The following CDK5 variants were observed in gnomAD, a reference collection of about 807,000 sequenced individuals.
The protein encoded by CDK5 is cyclin-dependent kinase 5.
CDK5 carries 18 observed loss-of-function variants against 44.6 expected under a neutral mutation model. That is an observed-to-expected ratio of 0.40 (90% CI 0.28 to 0.60). The LOEUF (loss-of-function observed/expected upper bound fraction) is 0.60. Ranked by LOEUF, CDK5 falls within the 20% of genes least tolerant of loss-of-function variation. The pLI is 0.38. For synonymous variants in CDK5, 143 were observed against 152.8 expected (o/e 0.94, Z 0.47); for missense variants, 198 against 368.1 (o/e 0.54, Z 3.78).
chr7:151,055,713 C>T (rs768036739), intron 6 of CDK5, 40 bp downstream of exon 6: 1 of 1,557,702 alleles, frequency 6.4e-7, no homozygotes, highest in Non-Finnish European at 8.8e-7. Flanking sequence ...CGTGCCCTGG[C>T]CCCAGCCTCT....
At position 151,056,691 on chromosome 7, in the gene CDK5, C is replaced by T. The variant is rs1723620042; in HGVS notation, c.255+45G>A. 2.5e-6 allele frequency: 4 copies of T among 1,611,356 alleles called. No homozygotes were observed. Among genetic ancestry groups the T allele is most frequent in the African/African-American group, 1.3e-5 (1 of 74,848 alleles). On this transcript the variant is annotated intron_variant, in intron 4 of 11. Transcript: ENST00000485972. The surrounding 1 kb of genome is among the most constrained non-coding windows in gnomAD (Gnocchi z 4.7). The stretch of plus-strand genomic sequence containing the variant: ...ACAGAGTTTAACCTCAATCTGGGCC[C>T]CTATACCTTCCCAAGGCTACTGTCC...
chr7:151,057,156 G>C lies in CDK5; in HGVS notation c.42C>G (p.Thr14=). 6.2e-7 allele frequency: 1 copy of C among 1,613,690 alleles called. No individual in the cohort carries two copies. Among genetic ancestry groups the C allele is most frequent in the East Asian group, 2.2e-5 (1 of 44,886 alleles). The change falls in exon 2 of 12, where the codon ACC becomes ACG. Residue 14 remains threonine, a synonymous_variant. Transcript: ENST00000485972. The surrounding 1 kb of genome is among the most constrained non-coding windows in gnomAD (Gnocchi z 5.2). ...TTTTGGCCTTGAACACAGTTCCGTA[G>C]GTGCCTAGGGGAAGGAGGTCAGGGG... is the stretch of plus-strand genomic sequence containing the variant. ...YEKLEKIGEG[T]YGTVFKAKNR...
Position 151,054,329 on chromosome 7 carries a change from G to A in CDK5, c.712-37C>T. The A allele has an allele frequency of 3.7e-6, 6 of 1,612,420 alleles. No homozygotes were observed. The highest frequency in any genetic ancestry group is 5.1e-6 in the Non-Finnish European group (6 of 1,178,588). ...CAGGGAGGGTCAGACTAGAGGTAGGGGGAGGGGGATGGAGGCGCTAGGAAT... is the reference window on the plus strand; with the variant it reads ...CAGGGAGGGTCAGACTAGAGGTAGGAGGAGGGGGATGGAGGCGCTAGGAAT... On this transcript the variant is annotated intron_variant, in intron 10 of 11. Coordinates refer to ENST00000485972, the MANE Select transcript of CDK5 (RefSeq NM_004935.4). The surrounding 1 kb of genome is among the most constrained non-coding windows in gnomAD (Gnocchi z 5.7).
At position 151,056,560 on chromosome 7, in the gene CDK5, C is replaced by G. The variant is rs1294631508; in HGVS notation, c.312+20G>C. The G allele has an allele frequency of 1.2e-6, 2 of 1,607,718 alleles. No individual in the cohort carries two copies. Among genetic ancestry groups the G allele is most frequent in the Non-Finnish European group, 1.7e-6 (2 of 1,176,512 alleles). On this transcript the variant is annotated intron_variant, in intron 5 of 11. Transcript: ENST00000485972. This position sits in a 1 kb window ranked among gnomAD's most constrained non-coding sequence, Gnocchi z 4.7. ...ACTCCGACCCCAGCCTGAGGGGTCC[C>G]CCAACACCACTCTCCTCACCTTTAC...
rs1023234916 is a variant in CDK5, at chr7:151,056,168, C to T, written c.313-320G>A. 1.2e-5 allele frequency: 6 copies of T among 514,448 alleles called. No individual in the cohort carries two copies. Among genetic ancestry groups the T allele is most frequent in the African/African-American group, 9.5e-5 (5 of 52,620 alleles). 31.9% of individuals were successfully genotyped at this position (514,448 alleles called of 1,614,324 possible). On this transcript the variant is annotated intron_variant, in intron 5 of 11. Transcript: ENST00000485972. The surrounding 1 kb of genome is among the most constrained non-coding windows in gnomAD (Gnocchi z 4.7). Reference sequence around the variant, plus strand: ...CCCTTCCTGGCCGCATCTGAGTATGCACGCCGTGAACATCAACATAAATAT... The same window carrying T: ...CCCTTCCTGGCCGCATCTGAGTATGTACGCCGTGAACATCAACATAAATAT...
chr7:151,055,668 C>T (rs1047388762), intron 6 of CDK5, 62 bp from the exon 7 acceptor site: 2 of 1,547,678 alleles, frequency 1.3e-6, no homozygotes, highest in African/African-American at 1.4e-5. Context: ...ACAGCACCAA[C>T]TCCATCCTCC....
chr7:151,056,572 C>T lies in CDK5; in HGVS notation c.312+8G>A. 6.2e-7 allele frequency: 1 copy of T among 1,610,140 alleles called. No individual in the cohort carries two copies. The highest frequency in any genetic ancestry group is 8.5e-7 in the Non-Finnish European group (1 of 1,177,960). On this transcript the variant is annotated splice_region_variant and intron_variant, in intron 5 of 11. Coordinates refer to ENST00000485972, the MANE Select transcript of CDK5 (RefSeq NM_004935.4). This position sits in a 1 kb window ranked among gnomAD's most constrained non-coding sequence, Gnocchi z 4.7. ...GCCTGAGGGGTCCCCCAACACCACT[C>T]TCCTCACCTTTACAATCTCAGGATC...
rs896335945 is a variant in CDK5 at position 151,056,509 on chromosome 7, C to G, written c.312+71G>C. On this transcript the variant is annotated intron_variant, in intron 5 of 11. Transcript: ENST00000485972. This position sits in a 1 kb window ranked among gnomAD's most constrained non-coding sequence, Gnocchi z 4.7. ...CCTGTTCAGGGCCCAAACTTAGAGC[C>G]CAAGGGGTGCTTACACCGAATGCAG... The G allele has an allele frequency of 7.8e-6, 11 of 1,406,922 alleles. No homozygotes were observed. The African/African-American group carries it at 8.5e-5, about 11-fold the overall frequency. 87.2% of individuals were successfully genotyped at this position (1,406,922 alleles called of 1,614,324 possible). A position where few individuals can be genotyped will look rare whatever the true frequency, so the allele number is the denominator to read the frequency against.
At position 151,054,975 on chromosome 7, in the gene CDK5, T is replaced by C; in HGVS notation, c.650+52A>G. ...TGCCCTCACCCATTGTGCTCAAAAC[T>C]CCATGGACTCTCCCCTCCCAGAGGG... On this transcript the variant is annotated intron_variant, in intron 9 of 11. Transcript: ENST00000485972. This position sits in a 1 kb window ranked among gnomAD's most constrained non-coding sequence, Gnocchi z 5.7. 1.9e-6 allele frequency: 3 copies of C among 1,584,538 alleles called. No individual in the cohort carries two copies. Among genetic ancestry groups the C allele is most frequent in the Non-Finnish European group, 2.6e-6 (3 of 1,154,122 alleles).
In CDK5 at chr7:151,056,997, T is replaced by C; in HGVS notation, c.127-22A>G. The stretch of plus-strand genomic sequence containing the variant: ...CACCCTGCATATGTGAGGGGGCCGG[T>C]GGGCAGCAGTCAGATCCCACCCAGC... On this transcript the variant is annotated intron_variant, in intron 2 of 11. Coordinates refer to ENST00000485972, the MANE Select transcript of CDK5 (RefSeq NM_004935.4). The surrounding 1 kb of genome is among the most constrained non-coding windows in gnomAD (Gnocchi z 4.7). 1 of 1,613,716 alleles carries C rather than the reference T, an allele frequency of 6.2e-7. No individual in the cohort carries two copies. The highest frequency in any genetic ancestry group is 1.3e-5 in the African/African-American group (1 of 74,988).
At position 151,054,938 on chromosome 7, in the gene CDK5, C is replaced by G; in HGVS notation, c.650+89G>C. Reference sequence around the variant, plus strand: ...GCCCTACAGACCCCATCACCCTACCCCACACCATCACTGCCCTCACCCATT... The same window carrying G: ...GCCCTACAGACCCCATCACCCTACCGCACACCATCACTGCCCTCACCCATT... On this transcript the variant is annotated intron_variant, in intron 9 of 11. Transcript: ENST00000485972. The surrounding 1 kb of genome is among the most constrained non-coding windows in gnomAD (Gnocchi z 5.7). 21 of 1,325,536 alleles carry G rather than the reference C, an allele frequency of 1.6e-5. No homozygotes were observed. The highest frequency in any genetic ancestry group is 2.0e-5 in the Non-Finnish European group (19 of 927,826). The allele number at this position is 1,325,536 out of a possible 1,614,324, so 82.1% of individuals were successfully genotyped here.
At position 151,054,814 on chromosome 7, in the gene CDK5, C is replaced by T. The variant is rs2069457; in HGVS notation, c.650+213G>A. On this transcript the variant is annotated intron_variant, in intron 9 of 11. Transcript: ENST00000485972. The surrounding 1 kb of genome is among the most constrained non-coding windows in gnomAD (Gnocchi z 5.7). ...CCTCTCGGCTTCACCCCTCAGGGCA[C>T]GCTGCCTGTCTCCAAGCCACACCTT... 0.016 allele frequency among the ~76,000 whole-genome samples: 2,430 copies of T among 152,238 alleles called. 54 individuals are homozygous for T. Among genetic ancestry groups the T allele is most frequent in the African/African-American group, 0.052 (2,144 of 41,528 alleles).
Position 151,054,006 on chromosome 7 carries a change from G to C in CDK5, c.*3C>G. ...CCAGCCTGGAGGCCGGGGGTCCCGG[G>C]GCCTAGGGCGGACAGAAGTCGGAGA... On this transcript the variant is annotated 3_prime_UTR_variant, in exon 12 of 12. Coordinates refer to ENST00000485972, the MANE Select transcript of CDK5 (RefSeq NM_004935.4). The surrounding 1 kb of genome is among the most constrained non-coding windows in gnomAD (Gnocchi z 5.7). 1 of 1,584,760 alleles carries C rather than the reference G, an allele frequency of 6.3e-7. No homozygotes were observed. The highest frequency in any genetic ancestry group is 8.6e-7 in the Non-Finnish European group (1 of 1,166,302).
In CDK5 at chr7:151,056,461, A is replaced by C; in HGVS notation, c.312+119T>G. ...TGGAGGACAGAAACAGGGTTTTCTC[A>C]TTCTCTAACACCCTAGAGTGTCCCT... On this transcript the variant is annotated intron_variant, in intron 5 of 11. Coordinates refer to ENST00000485972, the MANE Select transcript of CDK5 (RefSeq NM_004935.4). This position sits in a 1 kb window ranked among gnomAD's most constrained non-coding sequence, Gnocchi z 4.7. 1.2e-6 allele frequency: 1 copy of C among 857,224 alleles called. No homozygotes were observed. Among genetic ancestry groups the C allele is most frequent in the Admixed American group, 2.2e-5 (1 of 46,274 alleles). The allele number at this position is 857,224 out of a possible 1,614,324, so 53.1% of individuals were successfully genotyped here.
At position 151,056,665 on chromosome 7, in the gene CDK5, GAC is replaced by G; in HGVS notation, c.256-31_256-30del. On this transcript the variant is annotated intron_variant, in intron 4 of 11. Coordinates refer to ENST00000485972, the MANE Select transcript of CDK5 (RefSeq NM_004935.4). This position sits in a 1 kb window ranked among gnomAD's most constrained non-coding sequence, Gnocchi z 4.7. ...AAAAGGGATATGAGTGGGGGAATGG[GAC>G]AGAGTTTAACCTCAATCTGGGCCCC... 6.2e-7 allele frequency: 1 copy of G among 1,611,812 alleles called. No homozygotes were observed.
In CDK5 at chr7:151,057,892, T is replaced by A. The variant is rs759691479; in HGVS notation, c.-44A>T. The A allele has an allele frequency of 1.3e-6, 2 of 1,576,812 alleles. No homozygotes were observed. Among genetic ancestry groups the A allele is most frequent in the Non-Finnish European group, 1.7e-6 (2 of 1,161,456 alleles). ...CCCTGCGGGCCCTCGGTTTTAAGAC[T>A]CTGGCCCCGGCGTTGCAGAGGAGGC... is the stretch of plus-strand genomic sequence containing the variant. On this transcript the variant is annotated 5_prime_UTR_variant, in exon 1 of 12. Transcript: ENST00000485972. This position sits in a 1 kb window ranked among gnomAD's most constrained non-coding sequence, Gnocchi z 5.2.
In CDK5 at chr7:151,054,075, A is replaced by G. The variant is rs1796846308; in HGVS notation, c.813T>C (p.Pro271=). The change falls in exon 12 of 12, where the codon CCT becomes CCC. Residue 271 remains proline, a synonymous_variant. Transcript: ENST00000485972. This position sits in a 1 kb window ranked among gnomAD's most constrained non-coding sequence, Gnocchi z 5.7. ...DLLQNLLKCN[P]VQRISAEEAL... ...CCTCTTCTGCTGAGATACGCTGGACAGGGTTACACTTCAGAAGGTTCTGGA... is the reference window on the plus strand; with the variant it reads ...CCTCTTCTGCTGAGATACGCTGGACGGGGTTACACTTCAGAAGGTTCTGGA... The G allele has an allele frequency of 4.4e-6, 7 of 1,602,112 alleles. No individual in the cohort carries two copies. Among genetic ancestry groups the G allele is most frequent in the African/African-American group, 1.3e-5 (1 of 74,750 alleles).
Position 151,054,959 on chromosome 7 carries a change from C to T in CDK5, c.650+68G>A. 1 of 1,488,974 alleles carries T rather than the reference C, an allele frequency of 6.7e-7. No individual in the cohort carries two copies. The allele number at this position is 1,488,974 out of a possible 1,614,324, so 92.2% of individuals were successfully genotyped here. On this transcript the variant is annotated intron_variant, in intron 9 of 11. Coordinates refer to ENST00000485972, the MANE Select transcript of CDK5 (RefSeq NM_004935.4). This position sits in a 1 kb window ranked among gnomAD's most constrained non-coding sequence, Gnocchi z 5.7. ...TACCCCACACCATCACTGCCCTCAC[C>T]CATTGTGCTCAAAACTCCATGGACT...
At position 151,054,530 on chromosome 7, in the gene CDK5, G is replaced by T; in HGVS notation, c.651-65C>A. The T allele has an allele frequency of 6.8e-7, 1 of 1,469,984 alleles. No homozygotes were observed. The highest frequency in any genetic ancestry group is 9.4e-7 in the Non-Finnish European group (1 of 1,068,186). 91.1% of individuals were successfully genotyped at this position (1,469,984 alleles called of 1,614,324 possible). ...GCTGCATCTTCAGGGGCAGGGTGAG[G>T]GCCTCTTCCCCTCCTGGGGAGGGAT... On this transcript the variant is annotated intron_variant, in intron 9 of 11. Transcript: ENST00000485972. This position sits in a 1 kb window ranked among gnomAD's most constrained non-coding sequence, Gnocchi z 5.7.
Sources: allele counts gnomAD v4.1 joint callset (sites outside exome capture counted in the v4.1 genomes callset), GRCh38; gene constraint gnomAD v4.1.1; non-coding constraint Gnocchi (gnomAD v3.1); transcripts MANE v1.5; gene names NCBI Gene and HGNC (gene_info 2026-07-23, HGNC 2026-07-21).